Variants in ZNF568 observed in about 807,000 individuals in gnomAD.
The protein encoded by ZNF568 is p53 inhibitor of SCO2 activation.
In ZNF568, 11 loss-of-function variants were observed where a neutral mutation model predicts 18.1. The observed-to-expected ratio is 0.61, with a 90% CI of 0.38 to 1.00. The LOEUF (loss-of-function observed/expected upper bound fraction) is 1.00, where lower values mean the gene tolerates loss of function less well. ZNF568 is among the 50% of genes least tolerant of loss of function. The pLI is 0.01. For missense variants in ZNF568, 639 were observed against 768.2 expected, an observed-to-expected ratio of 0.83 and a Z score of 1.99; for synonymous variants, 213 against 246.6, an observed-to-expected ratio of 0.86 and a Z score of 1.28.
At chr19:36,997,366 G>A, downstream of ZNF568, 2 of 1,593,322 alleles carry the variant, frequency 1.3e-6, no homozygotes, top group Non-Finnish European at 1.7e-6. Flanking sequence ...AGCTCATACT[G>A]GTGAAAAACC....
At chr19:36,997,124 G>T in exon 5 of ZNF568, 1 of 1,568,928 alleles carries the variant, frequency 6.4e-7, no homozygotes. Flanking sequence ...GGTGAAAGAC[G>T]CTATGAATGC....
downstream of ZNF568, among the ~76,000 whole-genome samples, chr19:36,981,701 C>A (rs2074332681): frequency 6.6e-6 from 1 of 151,780 alleles, no homozygotes; most frequent in Non-Finnish European, 1.5e-5. Flanking sequence ...ATAGTGAGAC[C>A]CCATCTCTAC....
chr19:36,963,626 T>TATTTCAGA (rs1160848943), intron 6 of ZNF568, among the ~76,000 whole-genome samples: 3 of 152,178 alleles, frequency 2.0e-5, no homozygotes, highest in Non-Finnish European at 2.9e-5. Flanking sequence ...ACTGGTGCCC[T>TATTTCAGA]ATTTCAGAGT....
intron 6 of ZNF568, among the ~76,000 whole-genome samples, chr19:36,947,548 G>A (rs956759198): frequency 2.0e-5 from 3 of 152,190 alleles, no homozygotes; most frequent in Non-Finnish European, 4.4e-5. Flanking sequence ...GGATGGAAAA[G>A]CATGGTGGGA....
chr19:36,935,072 T>G (rs2073765618), intron 4 of ZNF568, among the ~76,000 whole-genome samples: 1 of 152,134 alleles, frequency 6.6e-6, no homozygotes, highest in Admixed American at 6.5e-5. Context: ...CTCAGCCTCC[T>G]GTGTAGCTGG....
chr19:36,955,214 A>C (rs1190285115), downstream of ZNF568, among the ~76,000 whole-genome samples: 1 of 151,432 alleles, frequency 6.6e-6, no homozygotes, highest in Non-Finnish European at 1.5e-5. Flanking sequence ...TTGTCTAAAC[A>C]GTTGTTTTTA....
chr19:36,937,262 C>G lies in ZNF568; in HGVS notation c.358+20C>G, dbSNP rs1468580443. The G allele has an allele frequency of 3.8e-6, 6 of 1,597,842 alleles. 1 individual carries two copies. In the South Asian group the frequency reaches 6.7e-5, roughly 18 times the overall value. ...GTCCAGGTGAATAAGTGAAAAGCAG[C>G]TCTGAATGAGAAAGCCACATGAGAG... On this transcript the variant is annotated intron_variant, in intron 6 of 6. Coordinates refer to ENST00000333987, the MANE Select transcript of ZNF568 (RefSeq NM_198539.4).
intron 4 of ZNF568, among the ~76,000 whole-genome samples, chr19:36,929,676 C>T (rs2073648187): frequency 8.0e-6 from 1 of 124,676 alleles, no homozygotes; most frequent in African/African-American, 3.3e-5. Flanking sequence ...CAGAGCAAGA[C>T]TCCGTCTCAA....
chr19:36,927,899 ATATATTTTTTTTTTTTTTT>A (rs2073605642), intron 4 of ZNF568, among the ~76,000 whole-genome samples: 1 of 24,106 alleles, frequency 4.1e-5, no homozygotes, highest in African/African-American at 2.6e-4. Context: ...ATATATATAT[ATATATTTTTTTTTTTTTTT>A]TTTTTTTTTT....
intron 6 of ZNF568, among the ~76,000 whole-genome samples, chr19:36,958,961 A>G (rs1352211411): frequency 6.6e-6 from 1 of 152,174 alleles, no homozygotes; most frequent in Non-Finnish European, 1.5e-5. Flanking sequence ...GGATTATATC[A>G]TCAACAAAAA....
At chr19:36,965,263 T>TGC (rs1275894364) in intron 6 of ZNF568, among the ~76,000 whole-genome samples, 2 of 152,222 alleles carry the variant, frequency 1.3e-5, no homozygotes, top group Non-Finnish European at 2.9e-5. Flanking sequence ...AAGTTGGGCA[T>TGC]GCTTTTATCT....
Position 36,950,583 on chromosome 19 carries a change from G to A in ZNF568, c.1430G>A (p.Ser477Asn), listed in dbSNP as rs778051716. ...ACTGGAGAGAAACCTTATGAATGCA[G>A]TGAATGTGGGAAAGCTTTTATTCAG... ...IHTGEKPYEC[S>N]ECGKAFIQMS... is the part of the protein sequence containing the mutation. Residue 477 changes from serine (S) to asparagine (N), a missense_variant, in exon 7 of 7, where the codon AGT (serine) becomes AAT (asparagine). By Grantham distance (46) the Ser-to-Asn change is conservative. Transcript: ENST00000333987. The A allele has an allele frequency of 1.2e-6, 2 of 1,613,728 alleles. No individual in the cohort carries two copies. The highest frequency in any genetic ancestry group is 4.5e-5 in the East Asian group (2 of 44,834).
intron 6 of ZNF568, among the ~76,000 whole-genome samples, chr19:36,943,613 C>T (rs2073918026): frequency 6.6e-6 from 1 of 151,936 alleles, no homozygotes; most frequent in Non-Finnish European, 1.5e-5. Flanking sequence ...CTTGCTCTGT[C>T]GCCCAGGCTG....
intron 4 of ZNF568, among the ~76,000 whole-genome samples, chr19:36,934,247 G>A (rs2073749216): frequency 6.9e-6 from 1 of 144,716 alleles, no homozygotes; most frequent in Non-Finnish European, 1.5e-5. Flanking sequence ...CCATTCTGAT[G>A]TTTGCTTATT....
chr19:36,941,915 C>G (rs536672273), intron 6 of ZNF568, among the ~76,000 whole-genome samples: 2,091 of 151,724 alleles, frequency 0.014, 23 homozygotes, highest in African/African-American at 0.025. Context: ...TTATTTTTGA[C>G]TTTTTTTAAC....
chr19:36,983,988 T>G (rs2074353990), downstream of ZNF568, among the ~76,000 whole-genome samples: 1 of 144,084 alleles, frequency 6.9e-6, no homozygotes, highest in Non-Finnish European at 1.5e-5. Flanking sequence ...AACCTCCACT[T>G]CCTGGGTTCA....
intron 2 of ZNF568, among the ~76,000 whole-genome samples, chr19:36,917,975 G>A (rs1156632015): frequency 1.3e-5 from 2 of 152,082 alleles, no homozygotes; most frequent in Non-Finnish European, 2.9e-5. Flanking sequence ...TTGAGACGGA[G>A]TCTCGCTCTG....
At chr19:36,945,822 G>A (rs1372132337) in intron 6 of ZNF568, among the ~76,000 whole-genome samples, 1 of 151,730 alleles carries the variant, frequency 6.6e-6, no homozygotes, top group African/African-American at 2.4e-5. Flanking sequence ...GGCTGGGCGT[G>A]GTGTCTCATA....
chr19:36,939,973 GTCTT>G (rs1345084017), intron 6 of ZNF568, among the ~76,000 whole-genome samples: 2 of 152,142 alleles, frequency 1.3e-5, no homozygotes, highest in Admixed American at 6.5e-5. Context: ...TCTTGGAAAT[GTCTT>G]TCTTCTTTGT....
Sources: allele counts gnomAD v4.1 joint callset (sites outside exome capture counted in the v4.1 genomes callset), GRCh38; gene constraint gnomAD v4.1.1; transcripts MANE v1.5; gene names NCBI Gene and HGNC (gene_info 2026-07-23, HGNC 2026-07-21).